MYH10: variants seen among roughly 807,000 people sequenced by gnomAD.
The protein encoded by MYH10 is myosin heavy chain 10, also known as myosin-10.
Under a neutral mutation model 257.8 loss-of-function variants are expected in MYH10, and 55 were observed. That is an observed-to-expected ratio of 0.21 (90% CI 0.17 to 0.27). MYH10 has a LOEUF of 0.27. MYH10 is among the 10% of genes least tolerant of loss of function. The pLI is 1.00. For missense variants in MYH10, 1,631 were observed against 2,500.6 expected (o/e 0.65, Z 7.42); for synonymous variants, 854 against 921.7 (o/e 0.93, Z 1.33).
chr17:8,579,120 A>C (rs2083605891), intron 4 of MYH10, among the ~76,000 whole-genome samples: 1 of 152,076 alleles, frequency 6.6e-6, no homozygotes, highest in South Asian at 2.1e-4. Flanking sequence ...TACAAAAAAA[A>C]CACAACAAAT....
At position 8,492,316 on chromosome 17, in the gene MYH10, T is replaced by C. The variant is rs1390297756; in HGVS notation, c.4652A>G (p.Lys1551Arg). Residue 1551 changes from lysine (K) to arginine (R), a missense_variant, in exon 34 of 43, where the codon AAA becomes AGA. By Grantham distance (26) the Lys-to-Arg change is conservative (BLOSUM62 2). Coordinates refer to ENST00000360416, the MANE Select transcript of MYH10 (RefSeq NM_001256012.3). ...ACTTACGTTTTTTCCCACATCATCT[T>C]TGGAGCTCATGAGGTCTTCCATGTC... ...RADMEDLMSSKDDVGKNVHEL... is the reference protein window; with the variant it reads ...RADMEDLMSSRDDVGKNVHEL... The C allele has an allele frequency of 1.2e-6, 2 of 1,613,092 alleles. No individual in the cohort carries two copies. The highest frequency in any genetic ancestry group is 4.5e-5 in the East Asian group (2 of 44,892).
intron 14 of MYH10, among the ~76,000 whole-genome samples, chr17:8,537,863 G>A (rs1011960085): frequency 1.7e-4 from 26 of 152,126 alleles, no homozygotes; most frequent in African/African-American, 6.0e-4. Context: ...TCTCTGAACC[G>A]GGTATTTCCA....
intron 2 of MYH10, among the ~76,000 whole-genome samples, chr17:8,608,571 C>G (rs2084897112): frequency 6.6e-6 from 1 of 152,186 alleles, no homozygotes; most frequent in Non-Finnish European, 1.5e-5. Flanking sequence ...TCTTGGGCAG[C>G]TGGAAATATT....
chr17:8,607,125 G>A (rs1028487542), intron 2 of MYH10, among the ~76,000 whole-genome samples: 5 of 152,064 alleles, frequency 3.3e-5, no homozygotes, highest in African/African-American at 1.2e-4. Flanking sequence ...TTAACAAATC[G>A]CAACCATACA....
chr17:8,565,689 C>A (rs1315307756), intron 7 of MYH10, among the ~76,000 whole-genome samples: 2 of 152,208 alleles, frequency 1.3e-5, no homozygotes, highest in African/African-American at 4.8e-5. Context: ...GTAGTGCAGG[C>A]ACTTTGGAAG....
At chr17:8,579,484 A>C (rs570508092) in intron 4 of MYH10, among the ~76,000 whole-genome samples, 2 of 152,204 alleles carry the variant, frequency 1.3e-5, no homozygotes, top group Non-Finnish European at 2.9e-5. Flanking sequence ...TCAGTATCCC[A>C]AATCTGTAAA....
intron 3 of MYH10, among the ~76,000 whole-genome samples, chr17:8,590,707 A>G (rs1001416049): frequency 1.3e-5 from 2 of 151,800 alleles, no homozygotes; most frequent in African/African-American, 4.8e-5. Context: ...TGCCTCCTTT[A>G]TTCATTTACT....
At chr17:8,537,289 C>T (rs142163760) in intron 14 of MYH10, among the ~76,000 whole-genome samples, 1 of 152,276 alleles carries the variant, frequency 6.6e-6, no homozygotes, top group East Asian at 1.9e-4. Flanking sequence ...CATCAACTCA[C>T]AAAGCTTTCA....
At chr17:8,476,733 G>T in intron 42 of MYH10, 143 bp downstream of exon 42, 2 of 975,410 alleles carry the variant, frequency 2.1e-6, no homozygotes, top group Non-Finnish European at 2.9e-6. Flanking sequence ...ATAAAGGTCA[G>T]AAATCTTAAA....
intron 7 of MYH10, among the ~76,000 whole-genome samples, chr17:8,567,519 C>T (rs76809507): frequency 0.013 from 1,921 of 152,254 alleles, 34 homozygotes; most frequent in African/African-American, 0.044. Flanking sequence ...TCCTAACCCC[C>T]AGGACCTCAT....
intron 31 of MYH10, 129 bp from the exon 32 acceptor site, chr17:8,494,014 A>G: frequency 1.0e-6 from 1 of 995,342 alleles, no homozygotes; most frequent in African/African-American, 1.6e-5. Context: ...TGACATTAAC[A>G]AACACAGATG....
chr17:8,500,734 A>G (rs1917393819), intron 29 of MYH10, 92 bp downstream of exon 29: 3 of 1,473,360 alleles, frequency 2.0e-6, no homozygotes, highest in Admixed American at 4.3e-5. Flanking sequence ...AGCCTAATCA[A>G]TACATGACTG....
intron 36 of MYH10, 25 bp from the exon 37 acceptor site, chr17:8,484,291 G>C: frequency 6.3e-7 from 1 of 1,592,016 alleles, no homozygotes; most frequent in Non-Finnish European, 8.5e-7. Context: ...GAAGGTTTTG[G>C]GGTGGTTTAC....
chr17:8,590,535 C>T (rs2084088425), intron 3 of MYH10, among the ~76,000 whole-genome samples: 1 of 151,928 alleles, frequency 6.6e-6, no homozygotes. Flanking sequence ...TGGTCTTGAA[C>T]TCCTAGGCTT....
At chr17:8,561,127 A>G in intron 7 of MYH10, 1 of 612,678 alleles carries the variant, frequency 1.6e-6, no homozygotes, top group Non-Finnish European at 2.9e-6. Context: ...ATTGTAGTTA[A>G]GTTTAGGATT....
intron 17 of MYH10, among the ~76,000 whole-genome samples, chr17:8,528,664 T>C (rs945351745): frequency 1.7e-4 from 26 of 152,184 alleles, no homozygotes; most frequent in Admixed American, 3.3e-4. Flanking sequence ...TTACCATATG[T>C]CAGCACGTCA....
chr17:8,600,615 G>C (rs557234140), intron 3 of MYH10, among the ~76,000 whole-genome samples: 1 of 152,298 alleles, frequency 6.6e-6, no homozygotes, highest in Non-Finnish European at 1.5e-5. Context: ...AAGTAACACA[G>C]GGCAATGGCA....
intron 36 of MYH10, 37 bp downstream of exon 36, chr17:8,487,396 G>A (rs751763502): frequency 6.2e-7 from 1 of 1,611,688 alleles, no homozygotes; most frequent in Non-Finnish European, 8.5e-7. Context: ...TAGGTCACGT[G>A]GTGCCATCCA....
chr17:8,582,415 C>T (rs1183229252), intron 4 of MYH10, among the ~76,000 whole-genome samples: 1 of 140,390 alleles, frequency 7.1e-6, no homozygotes. Flanking sequence ...AGCAGTCTTA[C>T]ACTTTAAGTG....
Sources: allele counts gnomAD v4.1 joint callset (sites outside exome capture counted in the v4.1 genomes callset), GRCh38; gene constraint gnomAD v4.1.1; transcripts MANE v1.5; gene names NCBI Gene and HGNC (gene_info 2026-07-23, HGNC 2026-07-21).